QSOX2: variants seen among roughly 807,000 people sequenced by gnomAD.
The protein encoded by QSOX2 is sulfhydryl oxidase 2.
QSOX2 carries 46 observed loss-of-function variants against 61.7 expected under a neutral mutation model. The ratio of observed to expected loss-of-function variants is 0.75; its 90% CI spans 0.59 to 0.95. The LOEUF (loss-of-function observed/expected upper bound fraction) is 0.95. Ranked by LOEUF, QSOX2 falls within the 40% of genes least tolerant of loss-of-function variation. QSOX2 has a pLI of 0.00. For synonymous variants in QSOX2, 383 were observed against 388.4 expected (o/e 0.99, Z 0.16); for missense variants, 879 against 918.9 (o/e 0.96, Z 0.56).
In QSOX2 at chr9:136,209,735, G is replaced by A; in HGVS notation, c.1550-460C>T. 1 of 984,966 alleles carries A rather than the reference G, an allele frequency of 1.0e-6. No homozygotes were observed. Among genetic ancestry groups the A allele is most frequent in the Non-Finnish European group, 1.2e-6 (1 of 829,750 alleles). The allele number at this position is 984,966 out of a possible 1,614,324, so 61.0% of individuals were successfully genotyped here. A position where few individuals can be genotyped will look rare whatever the true frequency, so the allele number is the denominator to read the frequency against. On this transcript the variant is annotated intron_variant, in intron 11 of 11. Transcript: ENST00000358701. The surrounding 1 kb of genome is among the most constrained non-coding windows in gnomAD (Gnocchi z 5.6). The stretch of plus-strand genomic sequence containing the variant: ...TACCTACAGAGCCCCGGCCACCTGG[G>A]TGCTATGGACAGTGGGCCTTAGGTG...
At chr9:136,245,234 C>T (rs1463278234) in intron 1 of QSOX2, among the ~76,000 whole-genome samples, 1 of 152,188 alleles carries the variant, frequency 6.6e-6, no homozygotes, top group Non-Finnish European at 1.5e-5. Context: ...CAGCCCAACT[C>T]GTCAGGATCT....
intron 1 of QSOX2, among the ~76,000 whole-genome samples, chr9:136,229,242 C>T (rs1282187343): frequency 1.3e-5 from 2 of 152,224 alleles, no homozygotes; most frequent in African/African-American, 4.8e-5. Context: ...ACTCCTTGCC[C>T]AAGCCTCAGA....
chr9:136,243,828 A>G (rs1332857261), intron 1 of QSOX2, among the ~76,000 whole-genome samples: 1 of 152,228 alleles, frequency 6.6e-6, no homozygotes, highest in Non-Finnish European at 1.5e-5. Flanking sequence ...AGTCTCAGGC[A>G]CAAGCCTGTT....
chr9:136,233,121 G>C (rs1305647077), intron 1 of QSOX2, among the ~76,000 whole-genome samples: 3 of 152,034 alleles, frequency 2.0e-5, no homozygotes, highest in Non-Finnish European at 2.9e-5. Flanking sequence ...GCTGCCGGGT[G>C]TATCAGCAGG....
intron 6 of QSOX2, among the ~76,000 whole-genome samples, chr9:136,220,129 T>A (rs1249965789): frequency 2.0e-5 from 3 of 152,210 alleles, no homozygotes; most frequent in African/African-American, 7.2e-5. Flanking sequence ...CCTCCTGGGC[T>A]CAAATGATCC....
Position 136,223,324 on chromosome 9 carries a change from C to T in QSOX2, c.675+439G>A, listed in dbSNP as rs1345211311. On this transcript the variant is annotated intron_variant, in intron 5 of 11. Transcript: ENST00000358701. The surrounding 1 kb of genome is among the most constrained non-coding windows in gnomAD (Gnocchi z 4.4). The stretch of plus-strand genomic sequence containing the variant: ...CCAGAAGCAAGGCTTCAGAACTGTA[C>T]GTGTGAAATCAAAGTATGACGATAG... Among the ~76,000 whole-genome samples the T allele has an allele frequency of 2.0e-5, 3 of 152,108 alleles. No individual in the cohort carries two copies. The highest frequency in any genetic ancestry group is 2.1e-4 in the South Asian group (1 of 4,824).
rs1172309761 is a variant in QSOX2, at chr9:136,222,346, G to A, written c.676-405C>T. Among the ~76,000 whole-genome samples, 3 of 152,134 alleles carry A rather than the reference G, an allele frequency of 2.0e-5. No individual in the cohort carries two copies. Among genetic ancestry groups the A allele is most frequent in the East Asian group, 1.9e-4 (1 of 5,186 alleles). On this transcript the variant is annotated intron_variant, in intron 5 of 11. Transcript: ENST00000358701. This position sits in a 1 kb window ranked among gnomAD's most constrained non-coding sequence, Gnocchi z 6.9. ...CCGGGGCAGCAGGCCTCGTGCTGCC[G>A]CTCCTCCCCAGCCACCCTGCTCCTG...
In QSOX2 at chr9:136,222,469, G is replaced by A. The variant is rs1564292731; in HGVS notation, c.676-528C>T. Among the ~76,000 whole-genome samples, 1 of 152,190 alleles carries A rather than the reference G, an allele frequency of 6.6e-6. No homozygotes were observed. The highest frequency in any genetic ancestry group is 2.4e-5 in the African/African-American group (1 of 41,432). On this transcript the variant is annotated intron_variant, in intron 5 of 11. Coordinates refer to ENST00000358701, the MANE Select transcript of QSOX2 (RefSeq NM_181701.4). The surrounding 1 kb of genome is among the most constrained non-coding windows in gnomAD (Gnocchi z 6.9). ...GGATTTTGGAAGAAACCCTGCGTGC[G>A]CCACCACCACATCGGGCGTACGTCT...
chr9:136,236,827 G>A (rs912636732), intron 1 of QSOX2, among the ~76,000 whole-genome samples: 2 of 145,932 alleles, frequency 1.4e-5, no homozygotes, highest in African/African-American at 5.1e-5. Context: ...GCATCACCTG[G>A]TGCCCATCCT....
In QSOX2 at chr9:136,216,498, C is replaced by T. The variant is rs540659633; in HGVS notation, c.1209+102G>A. The T allele has an allele frequency of 2.8e-5, 41 of 1,486,602 alleles. No individual in the cohort carries two copies. The Admixed American group carries it at 4.7e-4, about 17-fold the overall frequency. The allele number at this position is 1,486,602 out of a possible 1,614,324, so 92.1% of individuals were successfully genotyped here. A position where few individuals can be genotyped will look rare whatever the true frequency, so the allele number is the denominator to read the frequency against. ...AAGTCACTGCTCCCCTTCCTCACAG[C>T]GGAGCCCGGGCCCCGAGCAGGGAGA... On this transcript the variant is annotated intron_variant, in intron 9 of 11. Transcript: ENST00000358701.
At chr9:136,245,175 C>T (rs1554758341) in intron 1 of QSOX2, among the ~76,000 whole-genome samples, 1 of 152,136 alleles carries the variant, frequency 6.6e-6, no homozygotes, top group African/African-American at 2.4e-5. Context: ...TCCCTATCCC[C>T]AAGCGTGCGG....
intron 2 of QSOX2, 94 bp downstream of exon 2, chr9:136,226,680 G>A: frequency 2.0e-6 from 2 of 991,254 alleles, no homozygotes; most frequent in South Asian, 2.5e-5. Flanking sequence ...ACTATGATGT[G>A]GCGAATTTCA....
chr9:136,215,290 G>A lies in QSOX2; in HGVS notation c.1224C>T (p.Phe408=), dbSNP rs758483603. The A allele has an allele frequency of 6.2e-7, 1 of 1,608,744 alleles. No homozygotes were observed. Among genetic ancestry groups the A allele is most frequent in the Non-Finnish European group, 8.5e-7 (1 of 1,178,396 alleles). Residue 408 remains phenylalanine, a synonymous_variant, in exon 10 of 12, where the codon TTC becomes TTT. Coordinates refer to ENST00000358701, the MANE Select transcript of QSOX2 (RefSeq NM_181701.4). Reference sequence around the variant, plus strand: ...CAACCCACTTTATGTGATTAGTAAGGAATATTCCAGAAATCTGAAAAACAA... The same window carrying A: ...CAACCCACTTTATGTGATTAGTAAGAAATATTCCAGAAATCTGAAAAACAA... ...VNNKMRISGI[F]LTNHIKWVGC...
In QSOX2 at chr9:136,215,286, T is replaced by A; in HGVS notation, c.1228A>T (p.Thr410Ser). Residue 410 changes from threonine (T) to serine (S), a missense_variant, in exon 10 of 12, where the codon ACT becomes TCT. Thr to Ser is a moderately conservative substitution (Grantham distance 58). Transcript: ENST00000358701. Reference protein sequence around the residue: ...NKMRISGIFLTNHIKWVGCQG... With the variant: ...NKMRISGIFLSNHIKWVGCQG... Reference sequence around the variant, plus strand: ...CATCCAACCCACTTTATGTGATTAGTAAGGAATATTCCAGAAATCTGAAAA... The same window carrying A: ...CATCCAACCCACTTTATGTGATTAGAAAGGAATATTCCAGAAATCTGAAAA... 3.7e-6 allele frequency: 6 copies of A among 1,612,420 alleles called. No individual in the cohort carries two copies. Among genetic ancestry groups the A allele is most frequent in the Non-Finnish European group, 5.1e-6 (6 of 1,179,678 alleles).
chr9:136,210,430 C>A, intron 11 of QSOX2: 1 of 985,414 alleles, frequency 1.0e-6, no homozygotes, highest in Non-Finnish European at 1.2e-6. Context: ...CCAGGCAGGC[C>A]TGGCGAGGGT....
intron 1 of QSOX2, 140 bp from the exon 2 acceptor site, chr9:136,227,014 A>C: frequency 5.9e-6 from 4 of 680,568 alleles, no homozygotes; most frequent in African/African-American, 1.8e-5. Flanking sequence ...TTAGGCCCTC[A>C]TCACACAGAG....
chr9:136,224,964 G>T, intron 2 of QSOX2, 55 bp from the exon 3 acceptor site: 1 of 1,375,318 alleles, frequency 7.3e-7, no homozygotes. Flanking sequence ...GCATCTGCAT[G>T]TGTTTAAGCA....
intron 1 of QSOX2, among the ~76,000 whole-genome samples, chr9:136,228,667 G>C (rs984095917): frequency 6.6e-6 from 1 of 152,346 alleles, no homozygotes; most frequent in Admixed American, 6.5e-5. Context: ...GCAGAGGCGA[G>C]ACCCAGGCAC....
At chr9:136,229,385 C>T (rs1830310636) in intron 1 of QSOX2, among the ~76,000 whole-genome samples, 2 of 152,264 alleles carry the variant, frequency 1.3e-5, no homozygotes, top group African/African-American at 2.4e-5. Context: ...TCCACAGCCC[C>T]GGCTCCTCAG....
Sources: gnomAD v4.1 joint callset for allele counts (sites outside exome capture counted in the v4.1 genomes callset) on GRCh38, gnomAD v4.1.1 for gene constraint, Gnocchi (gnomAD v3.1) non-coding constraint, MANE v1.5 for transcripts, NCBI Gene and HGNC (gene_info 2026-07-23, HGNC 2026-07-21) for gene names.